ASCC3: variants seen among roughly 807,000 people sequenced by gnomAD.
ASCC3 encodes activating signal cointegrator 1 complex subunit 3, also known as ASC-1 complex subunit P200.
A neutral mutation model predicts 256.3 loss-of-function variants in ASCC3; 158 were observed. That is an observed-to-expected ratio of 0.62 (90% CI 0.54 to 0.70). The LOEUF is 0.70. Ranked by LOEUF, ASCC3 falls within the 30% of genes least tolerant of loss-of-function variation. The pLI is 0.00. For synonymous variants in ASCC3, 948 were observed against 883.4 expected (o/e 1.07, Z -1.30); for missense variants, 2,259 against 2,626.0 (o/e 0.86, Z 3.05).
intron 10 of ASCC3, among the ~76,000 whole-genome samples, chr6:100,755,325 T>C (rs1781127649): frequency 6.6e-6 from 1 of 151,934 alleles, no homozygotes; most frequent in African/African-American, 2.4e-5. Context: ...CAAAGCACTG[T>C]AATCTCTATT....
intron 24 of ASCC3, among the ~76,000 whole-genome samples, chr6:100,639,388 G>A (rs1775003689): frequency 6.6e-6 from 1 of 152,148 alleles, no homozygotes; most frequent in Non-Finnish European, 1.5e-5. Context: ...ACTAGATTTA[G>A]TTGTTTCTTA....
Position 100,530,352 on chromosome 6 carries a change from G to A in ASCC3, c.5775+9811C>T, listed in dbSNP as rs893128687. On this transcript the variant is annotated intron_variant, in intron 37 of 41. Transcript: ENST00000369162. ...TTCACACAATCTAGTGAAAAAAACCGCAGTAAGTTGTCTATCTCAAAATGA... is the reference window on the plus strand; with the variant it reads ...TTCACACAATCTAGTGAAAAAAACCACAGTAAGTTGTCTATCTCAAAATGA... 208 of 1,345,410 alleles carry A rather than the reference G, an allele frequency of 1.5e-4. 1 individual carries two copies. In the South Asian group the frequency reaches 2.1e-3, roughly 13 times the overall value. 83.3% of individuals were successfully genotyped at this position (1,345,410 alleles called of 1,614,324 possible).
chr6:100,645,168 G>C (rs1230024236), intron 22 of ASCC3, among the ~76,000 whole-genome samples: 1 of 152,044 alleles, frequency 6.6e-6, no homozygotes, highest in Non-Finnish European at 1.5e-5. Flanking sequence ...ATTTATTACA[G>C]ATATTGGTAG....
At chr6:100,693,341 T>A (rs765791620) in intron 13 of ASCC3, among the ~76,000 whole-genome samples, 6 of 151,394 alleles carry the variant, frequency 4.0e-5, no homozygotes, top group Non-Finnish European at 7.4e-5. Flanking sequence ...CCACAATCAC[T>A]GAGAAAAAAT....
intron 3 of ASCC3, among the ~76,000 whole-genome samples, chr6:100,849,382 C>G (rs1468751025): frequency 6.6e-6 from 1 of 152,000 alleles, no homozygotes; most frequent in East Asian, 1.9e-4. Context: ...GTACAGAAAA[C>G]AATCTGAATT....
At chr6:100,878,918 C>T (rs705609) in intron 1 of ASCC3, among the ~76,000 whole-genome samples, 2 of 152,050 alleles carry the variant, frequency 1.3e-5, no homozygotes, top group African/African-American at 4.8e-5. Flanking sequence ...GAGATACTGT[C>T]ATATCCCACA....
At position 100,589,990 on chromosome 6, in the gene ASCC3, G is replaced by C. The variant is rs763812070; in HGVS notation, c.5373C>G (p.Ser1791=). 6.2e-7 allele frequency: 1 copy of C among 1,613,314 alleles called. No individual in the cohort carries two copies. Residue 1791 remains serine, a synonymous_variant, in exon 35 of 42, where the codon TCC becomes TCG. Coordinates refer to ENST00000369162, the MANE Select transcript of ASCC3 (RefSeq NM_006828.4). ...NKFLSHLIEK[S]LIELELSYCI... The stretch of plus-strand genomic sequence containing the variant: ...AGTAGGAAAGTTCCAATTCAATCAG[G>C]GACTTCTCAATCAGATGGGACAGAA...
chr6:100,819,114 A>G (rs1012802166), intron 4 of ASCC3, among the ~76,000 whole-genome samples: 41 of 148,368 alleles, frequency 2.8e-4, no homozygotes, highest in African/African-American at 9.6e-4. Flanking sequence ...GAATTGAACA[A>G]TGAGATCACT....
intron 4 of ASCC3, among the ~76,000 whole-genome samples, chr6:100,838,757 T>A (rs1188541633): frequency 2.6e-5 from 4 of 152,090 alleles, no homozygotes; most frequent in African/African-American, 9.6e-5. Flanking sequence ...TTCATGTATA[T>A]GGCAAATTGA....
chr6:100,868,067 G>C, intron 1 of ASCC3, 29 bp from the exon 2 acceptor site: 1 of 1,229,240 alleles, frequency 8.1e-7, no homozygotes, highest in Non-Finnish European at 1.2e-6. Context: ...ATATTTATCT[G>C]TTCGGAAGAG....
chr6:100,616,107 C>T (rs1463445165), intron 30 of ASCC3, among the ~76,000 whole-genome samples: 1 of 151,992 alleles, frequency 6.6e-6, no homozygotes, highest in Non-Finnish European at 1.5e-5. Context: ...CAAGAAGAGG[C>T]CAATATCTAT....
In ASCC3 at chr6:100,864,098, G is replaced by A; in HGVS notation, c.207C>T (p.Asp69=). ...EKSKMQSINE[D]LKDILHAAKQ... ...TTGCAGCATGTAATATATCTTTTAA[G>A]TCTTCATTTATACTTTGCATTTTAC... Residue 69 remains aspartate, a synonymous_variant, in exon 3 of 42, where the codon GAC becomes GAT. Transcript: ENST00000369162. The A allele has an allele frequency of 6.3e-7, 1 of 1,592,050 alleles. No individual in the cohort carries two copies. The highest frequency in any genetic ancestry group is 1.7e-5 in the Admixed American group (1 of 59,380).
At chr6:100,600,265 T>C (rs2114793813) in intron 34 of ASCC3, among the ~76,000 whole-genome samples, 2 of 151,424 alleles carry the variant, frequency 1.3e-5, no homozygotes, top group Middle Eastern at 6.8e-3. Context: ...TCAGAAAACC[T>C]GACTTCGTAA....
chr6:100,764,734 C>T (rs1582828429), intron 10 of ASCC3, among the ~76,000 whole-genome samples: 1 of 152,276 alleles, frequency 6.6e-6, no homozygotes, highest in East Asian at 1.9e-4. Flanking sequence ...GTCCTCCCTA[C>T]TTCATGACCT....
At chr6:100,596,883 C>A (rs1223082471) in intron 34 of ASCC3, among the ~76,000 whole-genome samples, 4 of 152,128 alleles carry the variant, frequency 2.6e-5, no homozygotes, top group African/African-American at 4.8e-5. Flanking sequence ...ACCACCCATG[C>A]CCTATATCAC....
chr6:100,689,663 T>G (rs933311683), intron 13 of ASCC3, among the ~76,000 whole-genome samples: 2 of 152,178 alleles, frequency 1.3e-5, no homozygotes, highest in African/African-American at 4.8e-5. Context: ...AGTTTATAAA[T>G]TATAATAGCT....
chr6:100,605,341 T>TA (rs1772826273), intron 33 of ASCC3, among the ~76,000 whole-genome samples: 1 of 152,164 alleles, frequency 6.6e-6, no homozygotes, highest in Non-Finnish European at 1.5e-5. Flanking sequence ...TCTGGCTTCA[T>TA]AGTCAATGCG....
At chr6:100,708,493 C>CA (rs1453969078) in intron 13 of ASCC3, among the ~76,000 whole-genome samples, 1 of 152,052 alleles carries the variant, frequency 6.6e-6, no homozygotes, top group Non-Finnish European at 1.5e-5. Context: ...AGGGATGCCT[C>CA]AAGAGACATC....
intron 34 of ASCC3, among the ~76,000 whole-genome samples, chr6:100,596,000 A>G (rs1040268030): frequency 6.6e-6 from 1 of 152,136 alleles, no homozygotes; most frequent in African/African-American, 2.4e-5. Context: ...GTCTGTAAAG[A>G]TATAAATATT....
Sources: allele counts gnomAD v4.1 joint callset (sites outside exome capture counted in the v4.1 genomes callset), GRCh38; gene constraint gnomAD v4.1.1; transcripts MANE v1.5; gene names NCBI Gene and HGNC (gene_info 2026-07-23, HGNC 2026-07-21).